The following FIG4 variants were observed in gnomAD, a reference collection of about 807,000 sequenced individuals.
The protein encoded by FIG4 is polyphosphoinositide phosphatase.
Under a neutral mutation model 118.6 loss-of-function variants are expected in FIG4, and 112 were observed. The observed-to-expected ratio is 0.94, with a 90% CI of 0.81 to 1.11. FIG4 has a LOEUF of 1.11. FIG4 is among the 50% of genes least tolerant of loss of function. The pLI is 0.00. For synonymous variants in FIG4, 369 were observed against 381.2 expected, an observed-to-expected ratio of 0.97 and a Z score of 0.37; for missense variants, 969 against 1,111.7, an observed-to-expected ratio of 0.87 and a Z score of 1.83.
chr6:109,757,831 T>G (rs934890769), intron 10 of FIG4, among the ~76,000 whole-genome samples: 3 of 151,720 alleles, frequency 2.0e-5, no homozygotes, highest in Non-Finnish European at 4.4e-5. Flanking sequence ...AGACAGAGAG[T>G]CAAATCATGA....
rs779457828 is a variant in FIG4 at position 109,791,579 on chromosome 6, G to A, written c.2376+8G>A. ...AGTGCCAAAGTGACCGAGGTGCGGG[G>A]GAGGGAAGCCTGTGGCATCCAGCCT... On this transcript the variant is annotated splice_region_variant and intron_variant, in intron 20 of 22. Transcript: ENST00000230124. 3.3e-5 allele frequency: 53 copies of A among 1,613,312 alleles called. No homozygotes were observed. The South Asian group carries it at 5.6e-4, about 17-fold the overall frequency.
intron 1 of FIG4, among the ~76,000 whole-genome samples, chr6:109,704,275 C>T (rs1231361112): frequency 6.6e-6 from 1 of 152,154 alleles, no homozygotes; most frequent in Non-Finnish European, 1.5e-5. Flanking sequence ...GGCATCGAGC[C>T]TAGTGCCTGA....
chr6:109,748,756 G>A (rs1188714311), intron 10 of FIG4, among the ~76,000 whole-genome samples: 4 of 152,158 alleles, frequency 2.6e-5, no homozygotes, highest in South Asian at 2.1e-4. Context: ...GTTACATGGC[G>A]GCAGACAAGA....
At chr6:109,733,030 A>T (rs916742414) in intron 5 of FIG4, among the ~76,000 whole-genome samples, 5 of 152,128 alleles carry the variant, frequency 3.3e-5, no homozygotes, top group African/African-American at 1.2e-4. Context: ...TCATTGTTCA[A>T]CTTTTAGTAA....
chr6:109,761,607 G>A (rs1425620560), intron 11 of FIG4, among the ~76,000 whole-genome samples: 4 of 152,118 alleles, frequency 2.6e-5, no homozygotes, highest in Non-Finnish European at 4.4e-5. Context: ...GTCTGGTCTC[G>A]AACTCCTGAC....
intron 21 of FIG4, among the ~76,000 whole-genome samples, chr6:109,794,717 G>A (rs1055219477): frequency 2.6e-5 from 4 of 152,196 alleles, no homozygotes; most frequent in Non-Finnish European, 4.4e-5. Flanking sequence ...GAATTGGCAG[G>A]TGCCCCTGCC....
chr6:109,771,698 C>A (rs1334899482), intron 15 of FIG4, among the ~76,000 whole-genome samples: 1 of 152,002 alleles, frequency 6.6e-6, no homozygotes, highest in African/African-American at 2.4e-5. Context: ...TCTAATTCTC[C>A]CATCAAATGC....
At chr6:109,781,146 T>G (rs1485675924) in intron 16 of FIG4, among the ~76,000 whole-genome samples, 1 of 152,238 alleles carries the variant, frequency 6.6e-6, no homozygotes, top group Non-Finnish European at 1.5e-5. Flanking sequence ...GCAGTTGTTT[T>G]GGAACAGTTC....
intron 1 of FIG4, among the ~76,000 whole-genome samples, chr6:109,702,486 T>C (rs1023276846): frequency 1.3e-5 from 2 of 152,188 alleles, no homozygotes; most frequent in Non-Finnish European, 2.9e-5. Context: ...GGTATCCTAA[T>C]TCTCCACCTG....
chr6:109,762,528 G>A (rs1330318868), intron 12 of FIG4, among the ~76,000 whole-genome samples: 2 of 150,532 alleles, frequency 1.3e-5, no homozygotes, highest in Admixed American at 6.7e-5. Flanking sequence ...TTTTCTTATA[G>A]ATTACATACT....
intron 10 of FIG4, among the ~76,000 whole-genome samples, chr6:109,751,721 T>G (rs181856573): frequency 8.0e-4 from 122 of 152,164 alleles, no homozygotes; most frequent in Non-Finnish European, 2.9e-5. Flanking sequence ...TATAGTAATC[T>G]CTGGTGGTAT....
intron 6 of FIG4, 22 bp downstream of exon 6, chr6:109,735,320 A>C: frequency 6.3e-6 from 10 of 1,581,556 alleles, no homozygotes; most frequent in Non-Finnish European, 8.7e-6. Context: ...TGATATATCT[A>C]ATGTATATTA....
At chr6:109,726,526 G>T (rs1380085236) in intron 3 of FIG4, among the ~76,000 whole-genome samples, 1 of 152,084 alleles carries the variant, frequency 6.6e-6, no homozygotes, top group East Asian at 1.9e-4. Flanking sequence ...TTTGAAGTCA[G>T]GTAGTGTGAT....
At chr6:109,760,533 T>C (rs778563787) in intron 11 of FIG4, 150 bp downstream of exon 11, 72 of 726,706 alleles carry the variant, frequency 9.9e-5, no homozygotes, top group Non-Finnish European at 1.3e-4. Flanking sequence ...ATCAAGAAAC[T>C]AACCAAACAT....
chr6:109,755,509 G>A (rs192869923), intron 10 of FIG4, among the ~76,000 whole-genome samples: 6 of 152,220 alleles, frequency 3.9e-5, no homozygotes, highest in South Asian at 4.2e-4. Context: ...TTTCTGTGAC[G>A]TTGATCTGTC....
Position 109,691,417 on chromosome 6 carries a change from G to GC in FIG4, c.-14dup. The stretch of plus-strand genomic sequence containing the variant: ...CCGGAGGCTCGTGCCCTGTTGTGGG[G>GC]CCCCCATTTGCCGCCGCCATGCCCA... On this transcript the variant is annotated 5_prime_UTR_variant, in exon 1 of 23. Coordinates refer to ENST00000230124, the MANE Select transcript of FIG4 (RefSeq NM_014845.6). 6.4e-7 allele frequency: 1 copy of GC among 1,567,078 alleles called. No homozygotes were observed. Among genetic ancestry groups the GC allele is most frequent in the Non-Finnish European group, 8.7e-7 (1 of 1,155,460 alleles).
At chr6:109,808,501 G>A (rs1169382246) in intron 22 of FIG4, among the ~76,000 whole-genome samples, 2 of 152,018 alleles carry the variant, frequency 1.3e-5, no homozygotes, top group Admixed American at 6.6e-5. Flanking sequence ...TATGCATAAG[G>A]CACTTCTTGC....
In FIG4 at chr6:109,791,442, C is replaced by G; in HGVS notation, c.2247C>G (p.Pro749=). 1 of 1,613,864 alleles carries G rather than the reference C, an allele frequency of 6.2e-7. No homozygotes were observed. The highest frequency in any genetic ancestry group is 8.5e-7 in the Non-Finnish European group (1 of 1,180,010). ...RKTAASAPPP[P]SEEAVSSSSE... is the part of the protein sequence containing the mutation. ...CGGCAGCCAGCGCCCCGCCGCCCCCCAGCGAGGAGGCTGTGTCCAGCAGCT... is the reference window on the plus strand; with the variant it reads ...CGGCAGCCAGCGCCCCGCCGCCCCCGAGCGAGGAGGCTGTGTCCAGCAGCT... The change falls in exon 20 of 23, where the codon CCC becomes CCG. Residue 749 remains proline, a synonymous_variant. Coordinates refer to ENST00000230124, the MANE Select transcript of FIG4 (RefSeq NM_014845.6).
At chr6:109,789,538 A>G (rs961869315) in intron 18 of FIG4, 56 bp from the exon 19 acceptor site, 3 of 1,242,082 alleles carry the variant, frequency 2.4e-6, no homozygotes, top group Middle Eastern at 3.8e-4. Context: ...GATGGAAGCC[A>G]ATATCATCTG....
Sources: gnomAD v4.1 joint callset for allele counts (sites outside exome capture counted in the v4.1 genomes callset) on GRCh38, gnomAD v4.1.1 for gene constraint, MANE v1.5 for transcripts, NCBI Gene and HGNC (gene_info 2026-07-23, HGNC 2026-07-21) for gene names.